The following MGAM2 variants were observed in gnomAD, a reference collection of about 807,000 sequenced individuals.
MGAM2 encodes maltase-glucoamylase 2 (putative), also known as probable maltase-glucoamylase 2.
In MGAM2, 98 loss-of-function variants were observed where a neutral mutation model predicts 96.1. The ratio of observed to expected loss-of-function variants is 1.02; its 90% CI spans 0.87 to 1.21. The LOEUF is 1.21. Ranked by LOEUF, MGAM2 falls within the 50% of genes most tolerant of loss-of-function variation. The probability of loss-of-function intolerance (pLI) is 0.00; values close to 1 mark genes in which losing one functional copy is unlikely to be tolerated. For missense variants in MGAM2, 2,055 were observed against 1,182.4 expected (o/e 1.74, Z -10.82); for synonymous variants, 749 against 414.8 (o/e 1.81, Z -9.79).
At chr7:142,153,291 C>T (rs922926954) in intron 15 of MGAM2, among the ~76,000 whole-genome samples, 6 of 152,144 alleles carry the variant, frequency 3.9e-5, no homozygotes, top group Non-Finnish European at 5.9e-5. Flanking sequence ...TGAGCCACCG[C>T]GCCCGGCCTG....
In MGAM2 at chr7:142,120,311, T is replaced by C; in HGVS notation, c.116T>C (p.Phe39Ser). 1.4e-6 allele frequency: 1 copy of C among 703,078 alleles called. No homozygotes were observed. Among genetic ancestry groups the C allele is most frequent in the Middle Eastern group, 2.3e-4 (1 of 4,374 alleles). 43.6% of individuals were successfully genotyped at this position (703,078 alleles called of 1,614,324 possible). A position where few individuals can be genotyped will look rare whatever the true frequency, so the allele number is the denominator to read the frequency against. ...LVLEETSDTS[F>S]TPECPEIPQS... ...TTTAATTCCTATGCAGATACTTCAT[T>C]TACTCCAGAGTGCCCAGAGATTCCC... is the stretch of plus-strand genomic sequence containing the variant. The change falls in exon 3 of 48, where the codon TTT becomes TCT. Residue 39 changes from phenylalanine (F) to serine (S), a missense_variant. Coordinates refer to ENST00000477922, the MANE Select transcript of MGAM2 (RefSeq NM_001293626.2).
rs577416858 is a variant in MGAM2, at chr7:142,213,933, C to T, written c.5188-4428C>T. Among the ~76,000 whole-genome samples, 6 of 152,118 alleles carry T rather than the reference C, an allele frequency of 3.9e-5. No individual in the cohort carries two copies. The East Asian group carries it at 7.7e-4, about 20-fold the overall frequency. On this transcript the variant is annotated intron_variant, in intron 46 of 47. Transcript: ENST00000477922. ...AGTCCTCCATAAAATACTGGCAAACCGAATCCAGCAGCACATCAAAAAGCC... is the reference window on the plus strand; with the variant it reads ...AGTCCTCCATAAAATACTGGCAAACTGAATCCAGCAGCACATCAAAAAGCC...
intron 44 of MGAM2, 146 bp from the exon 45 acceptor site, chr7:142,199,734 T>A: frequency 2.4e-6 from 1 of 410,080 alleles, no homozygotes; most frequent in East Asian, 3.5e-5. Flanking sequence ...TTATATTTTA[T>A]CTATTGTACC....
At chr7:142,143,099 G>A (rs760651118) in intron 12 of MGAM2, among the ~76,000 whole-genome samples, 11 of 152,084 alleles carry the variant, frequency 7.2e-5, no homozygotes, top group African/African-American at 1.4e-4. Context: ...TTATGTTCCC[G>A]GAGTGTAAAG....
chr7:142,210,088 C>G (rs1054572187), intron 46 of MGAM2, among the ~76,000 whole-genome samples: 1 of 152,094 alleles, frequency 6.6e-6, no homozygotes, highest in Non-Finnish European at 1.5e-5. Context: ...GGTGTCACCT[C>G]CCCCAGGAAG....
chr7:142,185,164 CAACATTGCCCTA>C (rs1563282232), intron 34 of MGAM2, 25 bp downstream of exon 34: 1 of 700,866 alleles, frequency 1.4e-6, no homozygotes, highest in Non-Finnish European at 2.6e-6. Flanking sequence ...AGATTTTTGT[CAACATTGCCCTA>C]AACATCTGGA....
At chr7:142,177,759 C>G (rs1200821402) in intron 32 of MGAM2, among the ~76,000 whole-genome samples, 2 of 152,092 alleles carry the variant, frequency 1.3e-5, no homozygotes, top group African/African-American at 4.8e-5. Context: ...TTTTCTTTAT[C>G]CAATCCACCA....
intron 35 of MGAM2, among the ~76,000 whole-genome samples, 172 bp from the exon 36 acceptor site, chr7:142,187,576 TAC>T (rs1796736719): frequency 6.6e-6 from 1 of 152,188 alleles, no homozygotes; most frequent in South Asian, 2.1e-4. Flanking sequence ...TGCCAGGGAT[TAC>T]ACTACACATT....
intron 15 of MGAM2, among the ~76,000 whole-genome samples, chr7:142,150,755 C>T (rs1002152860): frequency 1.3e-5 from 2 of 152,118 alleles, no homozygotes; most frequent in Non-Finnish European, 2.9e-5. Flanking sequence ...ATTATTTGTG[C>T]CTTGCTATTT....
chr7:142,201,214 G>A (rs1030078645), intron 45 of MGAM2, among the ~76,000 whole-genome samples: 1 of 150,744 alleles, frequency 6.6e-6, no homozygotes, highest in South Asian at 2.1e-4. Flanking sequence ...GGGATTTCAG[G>A]TGTGTGGCAC....
At chr7:142,163,742 A>G (rs2129087469) in intron 23 of MGAM2, among the ~76,000 whole-genome samples, 2 of 152,320 alleles carry the variant, frequency 1.3e-5, no homozygotes, top group Admixed American at 1.3e-4. Context: ...TCTTTGCATC[A>G]TGGCCAGCAT....
intron 45 of MGAM2, chr7:142,208,177 G>T (rs749657238): frequency 9.3e-5 from 43 of 461,986 alleles, no homozygotes; most frequent in Non-Finnish European, 1.8e-4. Context: ...CCTGACTTGG[G>T]AGCCTAAATT....
rs1043441479 is a variant in MGAM2 at position 142,218,658 on chromosome 7, A to G, written c.5358+127A>G. On this transcript the variant is annotated intron_variant, in intron 47 of 47. Coordinates refer to ENST00000477922, the MANE Select transcript of MGAM2 (RefSeq NM_001293626.2). The stretch of plus-strand genomic sequence containing the variant: ...TTTCATGTATTAGATGGTTATAAAT[A>G]CGTGCAATAGATATGTTCCTGAAAA... 6.8e-6 allele frequency: 4 copies of G among 584,328 alleles called. No individual in the cohort carries two copies. In the Admixed American group the frequency reaches 1.3e-4, roughly 19 times the overall value. 36.2% of individuals were successfully genotyped at this position (584,328 alleles called of 1,614,324 possible). A position where few individuals can be genotyped will look rare whatever the true frequency, so the allele number is the denominator to read the frequency against.
intron 46 of MGAM2, among the ~76,000 whole-genome samples, chr7:142,209,202 C>A (rs184605762): frequency 1.3e-5 from 2 of 152,026 alleles, no homozygotes; most frequent in East Asian, 3.9e-4. Flanking sequence ...GGTCTAGGCA[C>A]GGCTTCTTCA....
At chr7:142,112,588 A>C (rs1291400002) in intron 1 of MGAM2, among the ~76,000 whole-genome samples, 8 of 152,044 alleles carry the variant, frequency 5.3e-5, no homozygotes, top group African/African-American at 1.4e-4. Context: ...AAATTCCACC[A>C]TTGGAGACCG....
In MGAM2 at chr7:142,221,252, T is replaced by G. The variant is rs776131716; in HGVS notation, c.6741T>G (p.Ala2247=). The G allele has an allele frequency of 3.1e-5, 22 of 698,712 alleles. No homozygotes were observed. Among genetic ancestry groups the G allele is most frequent in the Non-Finnish European group, 5.5e-5 (21 of 382,544 alleles). The allele number at this position is 698,712 out of a possible 1,614,324, so 43.3% of individuals were successfully genotyped here. ...MTNFLLATMS[A]GNITSNSISI... is the part of the protein sequence containing the mutation. ...ATTTTCTTTTAGCTACAATGTCTGC[T>G]GGTAATATAACTAGTAATAGTATTT... is the stretch of plus-strand genomic sequence containing the variant. Residue 2247 remains alanine (A), a synonymous_variant, in exon 48 of 48, where the codon GCT becomes GCG. Coordinates refer to ENST00000477922, the MANE Select transcript of MGAM2 (RefSeq NM_001293626.2).
At chr7:142,129,860 A>G (rs1316921628) in intron 3 of MGAM2, among the ~76,000 whole-genome samples, 1 of 128,998 alleles carries the variant, frequency 7.8e-6, no homozygotes, top group African/African-American at 3.1e-5. Flanking sequence ...AAAAAAAAAA[A>G]AAAAAGAAAT....
intron 12 of MGAM2, among the ~76,000 whole-genome samples, chr7:142,143,314 C>G (rs188594064): frequency 1.3e-5 from 2 of 152,236 alleles, no homozygotes; most frequent in Non-Finnish European, 2.9e-5. Context: ...GAAGCGCAAA[C>G]TTCATTCAAC....
intron 32 of MGAM2, among the ~76,000 whole-genome samples, chr7:142,176,108 A>AG (rs1554509688): frequency 3.1e-3 from 351 of 114,918 alleles, no homozygotes; most frequent in Non-Finnish European, 3.9e-3. Flanking sequence ...AAAAAAAAAA[A>AG]GGGGGGGGCA....
Sources: gnomAD v4.1 joint callset for allele counts (sites outside exome capture counted in the v4.1 genomes callset) on GRCh38, gnomAD v4.1.1 for gene constraint, MANE v1.5 for transcripts, NCBI Gene and HGNC (gene_info 2026-07-23, HGNC 2026-07-21) for gene names.